Variants in POLN observed in about 807,000 individuals in gnomAD.
The protein encoded by POLN is DNA polymerase N.
In POLN, 108 loss-of-function variants were observed where a neutral mutation model predicts 113.5. The observed-to-expected ratio is 0.95, with a 90% confidence interval of 0.81 to 1.12. The LOEUF is 1.12. Among genes scored for constraint, POLN ranks in the 50% most tolerant of loss-of-function variants. POLN has a pLI of 0.00. For synonymous variants in POLN, 386 were observed against 391.5 expected, an observed-to-expected ratio of 0.99 and a Z score of 0.17; for missense variants, 1,097 against 1,077.1, an observed-to-expected ratio of 1.02 and a Z score of -0.26.
chr4:2,203,976 G>C (rs1733780294), intron 5 of POLN, among the ~76,000 whole-genome samples: 1 of 151,742 alleles, frequency 6.6e-6, no homozygotes, highest in Non-Finnish European at 1.5e-5. Context: ...AGGTGTGGTG[G>C]CACATGCCTG....
chr4:2,158,751 C>A (rs1732500901), intron 14 of POLN, among the ~76,000 whole-genome samples: 1 of 152,192 alleles, frequency 6.6e-6, no homozygotes, highest in East Asian at 1.9e-4. Context: ...CTCATGAAAT[C>A]CCTGGCAAAT....
chr4:2,151,867 T>C (rs142300313), intron 16 of POLN, among the ~76,000 whole-genome samples: 2 of 152,190 alleles, frequency 1.3e-5, no homozygotes, highest in Non-Finnish European at 2.9e-5. Context: ...AAGGATACTT[T>C]TGCACAACTG....
At chr4:2,213,771 G>A (rs1300362928) in intron 3 of POLN, among the ~76,000 whole-genome samples, 5 of 152,128 alleles carry the variant, frequency 3.3e-5, no homozygotes, top group African/African-American at 1.2e-4. Flanking sequence ...TGATGAAAAT[G>A]TAAAATCTTA....
chr4:2,120,378 C>G (rs375839934), intron 19 of POLN, among the ~76,000 whole-genome samples: 2 of 151,444 alleles, frequency 1.3e-5, no homozygotes, highest in Admixed American at 6.6e-5. Context: ...TTCCATACCC[C>G]GAACATGGTA....
intron 16 of POLN, chr4:2,156,375 C>CTTTTTTTTTTT: frequency 5.2e-6 from 2 of 384,052 alleles, no homozygotes; most frequent in Admixed American, 3.2e-5. Flanking sequence ...GAATTTAGAG[C>CTTTTTTTTTTT]TTTTTTTTTT....
At chr4:2,080,378 C>T (rs1156327885) in intron 23 of POLN, 61 of 1,023,488 alleles carry the variant, frequency 6.0e-5, no homozygotes, top group Non-Finnish European at 7.0e-5. Context: ...CCCCCCCCCA[C>T]CAAGGCACAT....
intron 16 of POLN, among the ~76,000 whole-genome samples, chr4:2,144,046 T>C (rs1014397350): frequency 1.3e-5 from 2 of 152,008 alleles, no homozygotes; most frequent in Admixed American, 1.3e-4. Context: ...ATTTTAAATA[T>C]ATGATTTAAA....
intron 8 of POLN, among the ~76,000 whole-genome samples, chr4:2,176,748 G>T (rs560397703): frequency 6.6e-6 from 1 of 152,152 alleles, no homozygotes; most frequent in South Asian, 2.1e-4. Context: ...CTGCTGCCAC[G>T]TTCCACACTT....
At chr4:2,120,122 T>A (rs748680189) in intron 19 of POLN, among the ~76,000 whole-genome samples, 1 of 152,208 alleles carries the variant, frequency 6.6e-6, no homozygotes, top group Non-Finnish European at 1.5e-5. Context: ...AAGGTGCCTA[T>A]CCTTCTGTCA....
chr4:2,084,133 A>G (rs1229627179), intron 21 of POLN, among the ~76,000 whole-genome samples: 6 of 152,162 alleles, frequency 3.9e-5, no homozygotes. Flanking sequence ...TACTGTGTTA[A>G]TGCCTGCATG....
intron 16 of POLN, among the ~76,000 whole-genome samples, chr4:2,147,982 C>T (rs978565125): frequency 2.6e-5 from 4 of 152,046 alleles, no homozygotes; most frequent in African/African-American, 9.7e-5. Flanking sequence ...CTACTGCATT[C>T]CAGGTACAGA....
intron 2 of POLN, chr4:2,236,354 T>G (rs368786445): frequency 1.2e-6 from 2 of 1,612,684 alleles, no homozygotes; most frequent in African/African-American, 2.7e-5. Flanking sequence ...GATCTTGTAC[T>G]AAAGAAATAT....
At chr4:2,098,800 C>T (rs1486102198) in intron 19 of POLN, among the ~76,000 whole-genome samples, 1 of 152,204 alleles carries the variant, frequency 6.6e-6, no homozygotes, top group African/African-American at 2.4e-5. Context: ...AATGGGGCTC[C>T]TTGGAGAAAT....
chr4:2,128,123 T>C lies in POLN; in HGVS notation c.1972A>G (p.Thr658Ala). Residue 658 changes from threonine (T) to alanine (A), a missense_variant, in exon 19 of 26, where the codon ACT (threonine) becomes GCT (alanine). Thr to Ala is a moderately conservative substitution (Grantham distance 58). Coordinates refer to ENST00000511885, the MANE Select transcript of POLN (RefSeq NM_181808.4). ...GTTCATATATCTTACCACTGTGAAG[T>C]CAGAGTAGAAAATACATCATCTCTT... ...SERDDVFSTL[T>A]SQWKDVPVEQ... 1 of 1,590,368 alleles carries C rather than the reference T, an allele frequency of 6.3e-7. No homozygotes were observed. Among genetic ancestry groups the C allele is most frequent in the Non-Finnish European group, 8.6e-7 (1 of 1,158,628 alleles).
At chr4:2,233,873 T>C (rs1238857781) in intron 2 of POLN, among the ~76,000 whole-genome samples, 1 of 152,182 alleles carries the variant, frequency 6.6e-6, no homozygotes, top group African/African-American at 2.4e-5. Flanking sequence ...ATAGTGCTGG[T>C]AGCATTATAA....
At chr4:2,212,581 T>A (rs556951377) in intron 4 of POLN, among the ~76,000 whole-genome samples, 32 of 151,896 alleles carry the variant, frequency 2.1e-4, no homozygotes, top group Non-Finnish European at 4.3e-4. Flanking sequence ...AGACAGGGTC[T>A]CCTTATGTTG....
chr4:2,174,598 T>C, intron 10 of POLN, 93 bp downstream of exon 10: 1 of 1,060,620 alleles, frequency 9.4e-7, no homozygotes, highest in Non-Finnish European at 1.5e-6. Context: ...ATATACTATC[T>C]ACTCCTAAGT....
chr4:2,078,711 G>A, intron 23 of POLN: 4 of 985,430 alleles, frequency 4.1e-6, no homozygotes, highest in Non-Finnish European at 4.8e-6. Flanking sequence ...CAGACCATGT[G>A]CCCAATATTC....
chr4:2,146,424 G>C (rs1315915896), intron 16 of POLN, among the ~76,000 whole-genome samples: 1 of 152,228 alleles, frequency 6.6e-6, no homozygotes, highest in Non-Finnish European at 1.5e-5. Context: ...AGAATTGCTT[G>C]AACCCAGGAG....
Sources: allele counts gnomAD v4.1 joint callset (sites outside exome capture counted in the v4.1 genomes callset), GRCh38; gene constraint gnomAD v4.1.1; transcripts MANE v1.5; gene names NCBI Gene and HGNC (gene_info 2026-07-23, HGNC 2026-07-21).